Variants in DENND1A observed in about 807,000 individuals in gnomAD.
DENND1A encodes the protein DENN domain containing 1A.
In DENND1A, 51 loss-of-function variants were observed where a neutral mutation model predicts 113.7. That is an observed-to-expected ratio of 0.45 (90% CI 0.36 to 0.57). The LOEUF (loss-of-function observed/expected upper bound fraction) is 0.57. Ranked by LOEUF, DENND1A falls within the 20% of genes least tolerant of loss-of-function variation. The pLI is 0.00. For missense variants in DENND1A, 1,258 were observed against 1,395.9 expected, an observed-to-expected ratio of 0.90 and a Z score of 1.57; for synonymous variants, 565 against 570.8, an observed-to-expected ratio of 0.99 and a Z score of 0.14.
chr9:123,668,527 C>T (rs1366617192), intron 7 of DENND1A, among the ~76,000 whole-genome samples: 1 of 152,098 alleles, frequency 6.6e-6, no homozygotes, highest in Non-Finnish European at 1.5e-5. Context: ...AATTAATGCT[C>T]ACAGAGGTCA....
rs56390148 is a variant in DENND1A at position 123,495,141 on chromosome 9, T to TTCTC, written c.994-37248_994-37245dup. Among the ~76,000 whole-genome samples the TTCTC allele has an allele frequency of 7.4e-3, 1,039 of 140,636 alleles. 28 individuals carry two copies. Among genetic ancestry groups the TTCTC allele is most frequent in the African/African-American group, 0.027 (958 of 35,490 alleles). The allele number at this position is 140,636 out of a possible 152,430, so 92.3% of individuals were successfully genotyped here. A position where few individuals can be genotyped will look rare whatever the true frequency, so the allele number is the denominator to read the frequency against. On this transcript the variant is annotated intron_variant, in intron 13 of 23. Transcript: ENST00000394215. ...TCTATTATGACCCATCATTGTCTCT[T>TTCTC]TCTCTCTCTCTCTCTCTCTCTCTCT...
intron 11 of DENND1A, among the ~76,000 whole-genome samples, chr9:123,593,888 T>C (rs1436984147): frequency 6.6e-6 from 1 of 152,164 alleles, no homozygotes; most frequent in Non-Finnish European, 1.5e-5. Context: ...TCCCCCTTGC[T>C]GTTCTTGTGA....
chr9:123,922,913 T>C (rs1856511251), intron 1 of DENND1A, among the ~76,000 whole-genome samples: 1 of 152,242 alleles, frequency 6.6e-6, no homozygotes, highest in African/African-American at 2.4e-5. Flanking sequence ...TTGGCTCCTT[T>C]TCAAGTCCTG....
At chr9:123,876,903 G>T (rs1847553942) in intron 2 of DENND1A, among the ~76,000 whole-genome samples, 1 of 152,176 alleles carries the variant, frequency 6.6e-6, no homozygotes. Context: ...AATGTCTTTT[G>T]CAGTTCCATG....
intron 5 of DENND1A, among the ~76,000 whole-genome samples, chr9:123,694,429 T>C (rs984494921): frequency 2.0e-5 from 3 of 152,160 alleles, no homozygotes. Flanking sequence ...ACTCTCTCAT[T>C]TTGTAGCAAA....
In DENND1A at chr9:123,764,260, T is replaced by C. The variant is rs79798178; in HGVS notation, c.182+5254A>G. ...ACAAAAATGATCATCACTACTGTTA[T>C]GCAATTATAAAATTCAAGAGATAGA... On this transcript the variant is annotated intron_variant, in intron 4 of 23. Transcript: ENST00000394215. This position sits in a 1 kb window ranked among gnomAD's most constrained non-coding sequence, Gnocchi z 4.1. 5.7e-4 allele frequency among the ~76,000 whole-genome samples: 87 copies of C among 152,344 alleles called. 1 individual carries two copies. Among genetic ancestry groups the C allele is most frequent in the African/African-American group, 1.9e-3 (81 of 41,590 alleles).
chr9:123,484,400 T>A (rs2050611659), intron 13 of DENND1A, among the ~76,000 whole-genome samples: 1 of 152,202 alleles, frequency 6.6e-6, no homozygotes, highest in Non-Finnish European at 1.5e-5. Flanking sequence ...GACAGCCCTC[T>A]GGTACTGTCC....
chr9:123,415,349 G>C (rs2131621701), intron 19 of DENND1A, among the ~76,000 whole-genome samples: 1 of 152,284 alleles, frequency 6.6e-6, no homozygotes, highest in African/African-American at 2.4e-5. Flanking sequence ...TGGAGCATAT[G>C]ATGGGGACAC....
intron 12 of DENND1A, among the ~76,000 whole-genome samples, chr9:123,572,995 T>A (rs2058439782): frequency 6.6e-6 from 1 of 152,172 alleles, no homozygotes; most frequent in South Asian, 2.1e-4. Flanking sequence ...GGCTTCTTTT[T>A]TTTCCATATA....
chr9:123,414,830 C>A (rs919036014), intron 19 of DENND1A, among the ~76,000 whole-genome samples: 1 of 152,188 alleles, frequency 6.6e-6, no homozygotes, highest in African/African-American at 2.4e-5. Flanking sequence ...CCCCGCCTCA[C>A]ATCCACAGCA....
chr9:123,761,669 A>C (rs1435379865), intron 4 of DENND1A, among the ~76,000 whole-genome samples: 1 of 152,184 alleles, frequency 6.6e-6, no homozygotes, highest in African/African-American at 2.4e-5. Context: ...GGTGAAGTAG[A>C]AGTCGACAAA....
intron 5 of DENND1A, chr9:123,751,890 T>C (rs186699483): frequency 6.6e-6 from 1 of 152,306 alleles, no homozygotes; most frequent in Admixed American, 6.5e-5. Context: ...ATGGGCACTG[T>C]CTAATCTGTG....
At chr9:123,806,418 A>G (rs1241592784) in intron 2 of DENND1A, among the ~76,000 whole-genome samples, 2 of 151,580 alleles carry the variant, frequency 1.3e-5, no homozygotes, top group East Asian at 3.9e-4. Flanking sequence ...CACTACGCCC[A>G]GCTAATATTT....
At chr9:123,656,753 T>C (rs2062968242) in intron 8 of DENND1A, among the ~76,000 whole-genome samples, 1 of 152,242 alleles carries the variant, frequency 6.6e-6, no homozygotes, top group South Asian at 2.1e-4. Flanking sequence ...TGGCTGAGCC[T>C]AAGTAACCAC....
chr9:123,847,809 C>T (rs1192781659), intron 2 of DENND1A, among the ~76,000 whole-genome samples: 3 of 152,168 alleles, frequency 2.0e-5, no homozygotes, highest in African/African-American at 7.2e-5. Context: ...GTGGCATGCA[C>T]CTGTAATCCC....
intron 13 of DENND1A, among the ~76,000 whole-genome samples, chr9:123,486,409 G>A (rs1452141542): frequency 6.6e-6 from 1 of 152,012 alleles, no homozygotes. Flanking sequence ...TCTGGGCTCT[G>A]CCGCCAGCCC....
At chr9:123,676,941 C>T (rs966871266) in intron 5 of DENND1A, 152 bp from the exon 6 acceptor site, 2 of 727,340 alleles carry the variant, frequency 2.7e-6, no homozygotes, top group South Asian at 1.7e-5. Context: ...TGGCGAAATG[C>T]TAATTATTTC....
chr9:123,827,304 A>T (rs1564348445), intron 2 of DENND1A, among the ~76,000 whole-genome samples: 2 of 151,594 alleles, frequency 1.3e-5, no homozygotes, highest in Non-Finnish European at 2.9e-5. Context: ...CTAAGTCTGA[A>T]AGAAAAGAAG....
At chr9:123,674,342 T>TCA (rs546398875) in intron 6 of DENND1A, among the ~76,000 whole-genome samples, 6,617 of 132,062 alleles carry the variant, frequency 0.05, 237 homozygotes, top group East Asian at 0.11. Flanking sequence ...TGTCTCTCTC[T>TCA]CACACACACA....
Sources: allele counts gnomAD v4.1 joint callset (sites outside exome capture counted in the v4.1 genomes callset), GRCh38; gene constraint gnomAD v4.1.1; non-coding constraint Gnocchi (gnomAD v3.1); transcripts MANE v1.5; gene names NCBI Gene and HGNC (gene_info 2026-07-23, HGNC 2026-07-21).